Variants in CFAP74 observed in about 807,000 individuals in gnomAD.
The protein encoded by CFAP74 is cilia and flagella associated protein 74, also known as cilia- and flagella-associated protein 74.
Under a neutral mutation model 188.9 loss-of-function variants are expected in CFAP74, and 124 were observed. The observed-to-expected ratio is 0.66, with a 90% confidence interval of 0.57 to 0.76. CFAP74 has a LOEUF of 0.76. Ranked by LOEUF, CFAP74 falls within the 30% of genes least tolerant of loss-of-function variation. The probability of loss-of-function intolerance (pLI) is 0.00; values close to 1 mark genes in which losing one functional copy is unlikely to be tolerated. For missense variants in CFAP74, 2,198 were observed against 2,165.2 expected (o/e 1.02, Z -0.30); for synonymous variants, 956 against 916.7 (o/e 1.04, Z -0.77).
chr1:1,962,304 C>T (rs914942052), intron 14 of CFAP74, among the ~76,000 whole-genome samples: 5 of 151,752 alleles, frequency 3.3e-5, no homozygotes, highest in East Asian at 3.9e-4. Context: ...GGTGAAACCC[C>T]GTCTCTACTA....
At chr1:1,959,936 C>G (rs375432677) in intron 15 of CFAP74, 28 bp downstream of exon 15, 4 of 1,559,474 alleles carry the variant, frequency 2.6e-6, no homozygotes, top group South Asian at 1.2e-5. Flanking sequence ...ACCTCCCCTT[C>G]GAGAGAGAAC....
At chr1:1,987,167 C>T in intron 4 of CFAP74, 132 bp from the exon 5 acceptor site, 1 of 643,226 alleles carries the variant, frequency 1.6e-6, no homozygotes, top group East Asian at 2.8e-5. Flanking sequence ...GGCCAGGGGT[C>T]TCTCTAACAC....
chr1:1,935,568 G>A (rs952099023), intron 25 of CFAP74, among the ~76,000 whole-genome samples: 5 of 31,722 alleles, frequency 1.6e-4, no homozygotes, highest in African/African-American at 5.1e-4. Context: ...ACGTGTGTAC[G>A]TGTGTGTGTT....
intron 18 of CFAP74, chr1:1,954,865 C>T (rs1558020980): frequency 8.7e-7 from 1 of 1,152,728 alleles, no homozygotes; most frequent in South Asian, 1.8e-5. Flanking sequence ...CAGCCAGGTG[C>T]CCTGTGGGAA....
rs1655535836 is a variant in CFAP74, at chr1:1,967,283, G to A, written c.1246-757C>T. Among the ~76,000 whole-genome samples the A allele has an allele frequency of 3.9e-5, 6 of 152,206 alleles. No individual in the cohort carries two copies. In the South Asian group the frequency reaches 1.2e-3, roughly 32 times the overall value. ...CTCTGTCCCAGGCCTGCTGGAGAAGGGGGAACTGGGCCGGGTAGACAGGGT... is the reference window on the plus strand; with the variant it reads ...CTCTGTCCCAGGCCTGCTGGAGAAGAGGGAACTGGGCCGGGTAGACAGGGT... On this transcript the variant is annotated intron_variant, in intron 11 of 38. Coordinates refer to ENST00000682832, the MANE Select transcript of CFAP74 (RefSeq NM_001304360.2).
chr1:1,974,405 G>T (rs1558047566), intron 6 of CFAP74, among the ~76,000 whole-genome samples: 1 of 152,200 alleles, frequency 6.6e-6, no homozygotes, highest in Non-Finnish European at 1.5e-5. Flanking sequence ...AATCACTATG[G>T]GTTCAATCCA....
intron 22 of CFAP74, 42 bp from the exon 23 acceptor site, chr1:1,940,445 T>C: frequency 7.3e-7 from 1 of 1,371,670 alleles, no homozygotes; most frequent in Non-Finnish European, 9.8e-7. Context: ...CCTCTTTCCA[T>C]TTTGTGAAAT....
At chr1:1,993,925 T>G (rs1047719785) in intron 1 of CFAP74, among the ~76,000 whole-genome samples, 3 of 149,698 alleles carry the variant, frequency 2.0e-5, no homozygotes, top group East Asian at 2.0e-4. Context: ...GAGCTTGCAG[T>G]GAGCCGAGAT....
At chr1:1,953,911 C>T (rs1654359080) in intron 18 of CFAP74, 1 of 152,170 alleles carries the variant, frequency 6.6e-6, no homozygotes. Flanking sequence ...GAGAGGAAGG[C>T]CCAGCCACAG....
At chr1:1,987,547 CT>C (rs70940708) in intron 4 of CFAP74, among the ~76,000 whole-genome samples, 31 of 148,548 alleles carry the variant, frequency 2.1e-4, no homozygotes, top group African/African-American at 3.7e-4. Context: ...CTGGAGGTCG[CT>C]TTTTTTTTTC....
At chr1:1,976,097 G>T (rs1054799623) in intron 6 of CFAP74, among the ~76,000 whole-genome samples, 1 of 152,204 alleles carries the variant, frequency 6.6e-6, no homozygotes, top group Admixed American at 6.5e-5. Flanking sequence ...GGACAGAAAG[G>T]CTCCCTCAAG....
intron 18 of CFAP74, chr1:1,954,826 G>C (rs955995748): frequency 4.7e-5 from 54 of 1,136,912 alleles, no homozygotes; most frequent in Non-Finnish European, 1.4e-5. Context: ...AGTGAGGCTG[G>C]CTATGCCCTG....
rs1037038736 is a variant in CFAP74, at chr1:1,942,688, C to T, written c.2487-532G>A. ...TCACCTGGGAGGCCATGCGTCTGTC[C>T]GGTCCCTACCTCCGGCTCCCTTAAG... On this transcript the variant is annotated intron_variant, in intron 21 of 38. Coordinates refer to ENST00000682832, the MANE Select transcript of CFAP74 (RefSeq NM_001304360.2). The surrounding 1 kb of genome is among the most constrained non-coding windows in gnomAD (Gnocchi z 4.3). 2.0e-5 allele frequency among the ~76,000 whole-genome samples: 3 copies of T among 152,290 alleles called. No individual in the cohort carries two copies. Among genetic ancestry groups the T allele is most frequent in the South Asian group, 2.1e-4 (1 of 4,830 alleles).
In CFAP74 at chr1:1,965,049, C is replaced by T; in HGVS notation, c.1414G>A (p.Asp472Asn). The T allele has an allele frequency of 1.2e-6, 2 of 1,612,586 alleles. No individual in the cohort carries two copies. Among genetic ancestry groups the T allele is most frequent in the African/African-American group, 1.3e-5 (1 of 75,028 alleles). ...DYKPYQVPKE[D>N]VDRKPVGGTK... is the part of the protein sequence containing the mutation. ...CCGCCCACGGGCTTTCGGTCCACGTCCTCCTTGGGCACCTGGGGGTCACAG... is the reference window on the plus strand; with the variant it reads ...CCGCCCACGGGCTTTCGGTCCACGTTCTCCTTGGGCACCTGGGGGTCACAG... The change falls in exon 13 of 39, where the codon GAC (aspartate) becomes AAC (asparagine). Residue 472 changes from aspartate to asparagine, a missense_variant. Transcript: ENST00000682832.
rs267598255 is a variant in CFAP74, at chr1:1,985,467, G to T, written c.419C>A (p.Ala140Asp). ...GNMAAVGRLQ[A>D]VSRRLFAELE... ...CTCTGCAAACAGGCGTCTGGACACGGCCTGGAGGCGGCCCACAGCGGCCCT... is the reference window on the plus strand; with the variant it reads ...CTCTGCAAACAGGCGTCTGGACACGTCCTGGAGGCGGCCCACAGCGGCCCT... Residue 140 changes from alanine to aspartate, a missense_variant, in exon 6 of 39, where the codon GCC (alanine) becomes GAC (aspartate). Physicochemically the swap from Ala to Asp is moderately radical, Grantham distance 126. Transcript: ENST00000682832. 2.0e-5 allele frequency: 33 copies of T among 1,613,910 alleles called. No individual in the cohort carries two copies. Among genetic ancestry groups the T allele is most frequent in the Non-Finnish European group, 2.6e-5 (31 of 1,180,010 alleles).
intron 14 of CFAP74, chr1:1,960,258 G>A: frequency 3.7e-6 from 2 of 544,710 alleles, no homozygotes; most frequent in Non-Finnish European, 6.4e-6. Flanking sequence ...CGTTTGTGGA[G>A]TGAGGGAGTT....
chr1:1,973,629 G>A lies in CFAP74; in HGVS notation c.674+396C>T, dbSNP rs575900629. ...ATGGGCCTGAGTGCTCCACAGCCAC[G>A]CAGGTGGGGGCCGTGGGAGGGGTGC... On this transcript the variant is annotated intron_variant, in intron 7 of 38. Transcript: ENST00000682832. This position sits in a 1 kb window ranked among gnomAD's most constrained non-coding sequence, Gnocchi z 6.2. 2.0e-5 allele frequency among the ~76,000 whole-genome samples: 3 copies of A among 152,000 alleles called. No homozygotes were observed. The highest frequency in any genetic ancestry group is 6.6e-5 in the Admixed American group (1 of 15,266).
intron 21 of CFAP74, among the ~76,000 whole-genome samples, chr1:1,944,003 C>T (rs550244274): frequency 6.6e-6 from 1 of 152,334 alleles, no homozygotes; most frequent in Admixed American, 6.5e-5. Context: ...CCTGTGACGC[C>T]TCCCGTGATG....
Position 1,968,773 on chromosome 1 carries a change from C to T in CFAP74, c.1107G>A (p.Glu369=). Residue 369 remains glutamate (E), a synonymous_variant, in exon 11 of 39, where the codon GAG becomes GAA. Coordinates refer to ENST00000682832, the MANE Select transcript of CFAP74 (RefSeq NM_001304360.2). The surrounding 1 kb of genome is among the most constrained non-coding windows in gnomAD (Gnocchi z 4.3). ...KQEIISRILK[E]EAEEEKRKKQ... is the part of the protein sequence containing the mutation. ...TCTTCCTCTTTTCCTCCTCAGCCTC[C>T]TCTTTCAGAATCCGACTGATGATCT... The T allele has an allele frequency of 6.2e-7, 1 of 1,614,116 alleles. No individual in the cohort carries two copies. Among genetic ancestry groups the T allele is most frequent in the Non-Finnish European group, 8.5e-7 (1 of 1,179,980 alleles).
Sources: allele counts gnomAD v4.1 joint callset (sites outside exome capture counted in the v4.1 genomes callset), GRCh38; gene constraint gnomAD v4.1.1; non-coding constraint Gnocchi (gnomAD v3.1); transcripts MANE v1.5; gene names NCBI Gene and HGNC (gene_info 2026-07-23, HGNC 2026-07-21).